Variants in LRRC37A2 observed in about 807,000 individuals in gnomAD.
The protein encoded by LRRC37A2 is leucine-rich repeat-containing protein 37A2.
A neutral mutation model predicts 68.8 loss-of-function variants in LRRC37A2; 9 were observed. That is an observed-to-expected ratio of 0.13 (90% CI 0.08 to 0.23). The LOEUF (loss-of-function observed/expected upper bound fraction) is 0.23. LRRC37A2 is among the 10% of genes least tolerant of loss of function. The pLI is 1.00. For missense variants in LRRC37A2, 168 were observed against 950.4 expected, an observed-to-expected ratio of 0.18 and a Z score of 10.82; for synonymous variants, 63 against 367.6, an observed-to-expected ratio of 0.17 and a Z score of 9.48.
At chr17:46,877,723 CCAGCTGAG>C in the LRRC37A2 span, among the ~76,000 whole-genome samples, 1 of 152,152 alleles carries the variant, frequency 6.6e-6, no homozygotes, top group Non-Finnish European at 1.5e-5. Flanking sequence ...CACCCCCATA[CCAGCTGAG>C]TTCACAATAC....
the LRRC37A2 span, among the ~76,000 whole-genome samples, chr17:46,789,101 G>A: frequency 1.2e-4 from 19 of 152,172 alleles, no homozygotes; most frequent in South Asian, 4.1e-4. Context: ...TATGCTGGAC[G>A]CCGGGAGCAC....
At chr17:46,776,452 G>A in the LRRC37A2 span, among the ~76,000 whole-genome samples, 7 of 152,144 alleles carry the variant, frequency 4.6e-5, no homozygotes, top group South Asian at 2.1e-4. Context: ...TAATCCTCAC[G>A]GCAGGTCTGT....
At chr17:46,753,314 T>A in the LRRC37A2 span, among the ~76,000 whole-genome samples, 1 of 152,248 alleles carries the variant, frequency 6.6e-6, no homozygotes, top group East Asian at 1.9e-4. Flanking sequence ...CTTGGACCAA[T>A]AACAAATTGG....
the LRRC37A2 span, among the ~76,000 whole-genome samples, chr17:46,715,148 A>G: frequency 1.3e-5 from 2 of 152,242 alleles, no homozygotes; most frequent in Non-Finnish European, 2.9e-5. Flanking sequence ...CACATTGAAG[A>G]GTCCAGAGAA....
At chr17:46,980,788 A>C in the LRRC37A2 span, among the ~76,000 whole-genome samples, 2 of 151,910 alleles carry the variant, frequency 1.3e-5, no homozygotes, top group Non-Finnish European at 2.9e-5. Flanking sequence ...AGCCGAGATC[A>C]CGCCACTGCA....
chr17:46,613,324 T>C, the LRRC37A2 span, among the ~76,000 whole-genome samples: 1 of 2,446 alleles, frequency 4.1e-4, no homozygotes, highest in African/African-American at 1.1e-3. Flanking sequence ...AGTATACATT[T>C]TAAATGATTA....
At chr17:46,722,315 T>C in the LRRC37A2 span, 1 of 714,902 alleles carries the variant, frequency 1.4e-6, no homozygotes, top group East Asian at 2.7e-5. Flanking sequence ...GCCTCAGTCC[T>C]CCTGGCATCT....
At chr17:46,900,686 A>C in the LRRC37A2 span, among the ~76,000 whole-genome samples, 1 of 152,254 alleles carries the variant, frequency 6.6e-6, no homozygotes, top group Non-Finnish European at 1.5e-5. Context: ...TGTGTTCAGC[A>C]GTACAGTACA....
chr17:46,977,982 G>C, the LRRC37A2 span, among the ~76,000 whole-genome samples: 1 of 152,200 alleles, frequency 6.6e-6, no homozygotes, highest in African/African-American at 2.4e-5. Context: ...GATTCCCTTT[G>C]CCTTTCCTCG....
At chr17:46,995,165 C>T in the LRRC37A2 span, among the ~76,000 whole-genome samples, 52 of 152,160 alleles carry the variant, frequency 3.4e-4, no homozygotes, top group African/African-American at 1.2e-3. Context: ...GTTGCAGGTA[C>T]TCAGACAGCC....
chr17:47,016,423 T>C, the LRRC37A2 span, among the ~76,000 whole-genome samples: 1 of 135,060 alleles, frequency 7.4e-6, no homozygotes, highest in Non-Finnish European at 1.6e-5. Context: ...CAGGAAATGA[T>C]TTAACATGCT....
chr17:46,953,268 A>G, the LRRC37A2 span, among the ~76,000 whole-genome samples: 4 of 151,690 alleles, frequency 2.6e-5, no homozygotes, highest in African/African-American at 9.7e-5. Flanking sequence ...TCATTGTTCA[A>G]TTCCCACCTA....
the LRRC37A2 span, among the ~76,000 whole-genome samples, chr17:46,820,851 TGCTGAGA>T: frequency 8.9e-4 from 136 of 152,182 alleles, no homozygotes; most frequent in African/African-American, 3.3e-3. Flanking sequence ...ATGACAGTGG[TGCTGAGA>T]GCTGGGGAGG....
At chr17:46,939,009 C>A in the LRRC37A2 span, 3 of 1,336,070 alleles carry the variant, frequency 2.2e-6, no homozygotes, top group Non-Finnish European at 2.9e-6. Context: ...GTCTCTCTCA[C>A]TCTCGCTCTC....
At chr17:46,872,557 G>C in the LRRC37A2 span, 2 of 1,584,498 alleles carry the variant, frequency 1.3e-6, no homozygotes, top group Non-Finnish European at 1.7e-6. Flanking sequence ...CCCAGGATTG[G>C]GCACTGCGGC....
the LRRC37A2 span, among the ~76,000 whole-genome samples, chr17:46,714,384 A>G: frequency 1.3e-5 from 2 of 152,232 alleles, no homozygotes; most frequent in African/African-American, 4.8e-5. Flanking sequence ...ACAGAGATGT[A>G]TCAATGGGAA....
the LRRC37A2 span, among the ~76,000 whole-genome samples, chr17:46,865,482 T>A: frequency 3.3e-5 from 5 of 151,900 alleles, no homozygotes; most frequent in African/African-American, 9.7e-5. Context: ...TCAGGGTGGG[T>A]TCATGGGGAT....
At chr17:46,955,177 T>C in the LRRC37A2 span, among the ~76,000 whole-genome samples, 29 of 152,048 alleles carry the variant, frequency 1.9e-4, no homozygotes, top group African/African-American at 6.8e-4. Context: ...CTTATTATTT[T>C]GAGATACGTC....
chr17:46,486,585 A>G, the LRRC37A2 span, among the ~76,000 whole-genome samples: 1 of 26,504 alleles, frequency 3.8e-5, no homozygotes, highest in Admixed American at 4.1e-4. Context: ...CAGTGACTCA[A>G]CCATTTTACT....
Sources: gnomAD v4.1 joint callset for allele counts (sites outside exome capture counted in the v4.1 genomes callset) on GRCh38, gnomAD v4.1.1 for gene constraint, MANE v1.5 for transcripts, NCBI Gene and HGNC (gene_info 2026-07-23, HGNC 2026-07-21) for gene names.